Variants in ZNF407 observed in about 807,000 individuals in gnomAD.
The protein encoded by ZNF407 is zinc finger protein 407.
A neutral mutation model predicts 131.2 loss-of-function variants in ZNF407; 17 were observed. That is an observed-to-expected ratio of 0.13 (90% confidence interval 0.09 to 0.19). The LOEUF (loss-of-function observed/expected upper bound fraction) is 0.19, where lower values mean the gene tolerates loss of function less well. ZNF407 is among the 10% of genes least tolerant of loss of function. ZNF407 has a pLI of 1.00. For synonymous variants in ZNF407, 1,156 were observed against 1,062.0 expected, an observed-to-expected ratio of 1.09 and a Z score of -1.72; for missense variants, 2,681 against 2,830.6, an observed-to-expected ratio of 0.95 and a Z score of 1.20.
At chr18:74,964,724 A>G (rs1422155181) in intron 8 of ZNF407, among the ~76,000 whole-genome samples, 1 of 151,812 alleles carries the variant, frequency 6.6e-6, no homozygotes. Context: ...TTTGCATTCT[A>G]CAAACAAATG....
At chr18:74,762,974 A>C (rs550583312) in intron 3 of ZNF407, among the ~76,000 whole-genome samples, 1 of 152,138 alleles carries the variant, frequency 6.6e-6, no homozygotes, top group East Asian at 1.9e-4. Flanking sequence ...ATCTAAAGTG[A>C]TTGGATTTTA....
chr18:75,028,636 C>T (rs1453798093), intron 8 of ZNF407, among the ~76,000 whole-genome samples: 1 of 152,146 alleles, frequency 6.6e-6, no homozygotes, highest in Non-Finnish European at 1.5e-5. Context: ...AAACACTGAA[C>T]GTCAATGTGC....
At chr18:74,768,167 G>T (rs1841040567) in intron 3 of ZNF407, among the ~76,000 whole-genome samples, 1 of 152,092 alleles carries the variant, frequency 6.6e-6, no homozygotes, top group African/African-American at 2.4e-5. Context: ...CCTTGCACTA[G>T]TCTTGGAAGT....
At chr18:74,708,959 G>A (rs184295769) in intron 3 of ZNF407, among the ~76,000 whole-genome samples, 30 of 152,286 alleles carry the variant, frequency 2.0e-4, no homozygotes, top group South Asian at 6.2e-4. Context: ...GCTGATAATC[G>A]TCCCCTATGA....
chr18:74,897,809 C>G (rs1474199738), intron 7 of ZNF407, among the ~76,000 whole-genome samples: 1 of 152,178 alleles, frequency 6.6e-6, no homozygotes, highest in Admixed American at 6.5e-5. Context: ...ACAGAAGTCA[C>G]CTATGCATCC....
At chr18:74,782,799 T>G (rs1322551846) in intron 4 of ZNF407, among the ~76,000 whole-genome samples, 1 of 152,146 alleles carries the variant, frequency 6.6e-6, no homozygotes, top group Admixed American at 6.5e-5. Context: ...TTTTGTATTT[T>G]TAGTAGAGAC....
intron 4 of ZNF407, among the ~76,000 whole-genome samples, chr18:74,789,314 T>G (rs1382318241): frequency 2.6e-5 from 4 of 152,008 alleles, no homozygotes; most frequent in Non-Finnish European, 5.9e-5. Flanking sequence ...GTGGGAGAGC[T>G]TGGTGTGTTT....
intron 1 of ZNF407, among the ~76,000 whole-genome samples, chr18:74,612,049 A>G (rs983015657): frequency 3.3e-5 from 5 of 152,220 alleles, no homozygotes; most frequent in African/African-American, 4.8e-5. Flanking sequence ...AGTCCCGTAC[A>G]GTAGTGAGAT....
rs35820709 is a variant in ZNF407, at chr18:74,834,008, A to C, written c.4878-43189A>C. On this transcript the variant is annotated intron_variant, in intron 4 of 8. Transcript: ENST00000299687. Reference sequence around the variant, plus strand: ...TGAGTTTACATGGATCAGAACTTTTAATTTTCTGATTTTTCTGAAAATAGT... The same window carrying C: ...TGAGTTTACATGGATCAGAACTTTTCATTTTCTGATTTTTCTGAAAATAGT... 4.0e-3 allele frequency among the ~76,000 whole-genome samples: 611 copies of C among 152,280 alleles called. 4 individuals carry two copies. Among genetic ancestry groups the C allele is most frequent in the Middle Eastern group, 0.01 (3 of 294 alleles).
At chr18:74,877,061 T>C in intron 4 of ZNF407, 136 bp from the exon 5 acceptor site, 1 of 709,682 alleles carries the variant, frequency 1.4e-6, no homozygotes, top group Non-Finnish European at 2.5e-6. Flanking sequence ...TATACAGACA[T>C]GACAGACCAG....
chr18:74,632,265 C>A lies in ZNF407; in HGVS notation c.1246C>A (p.Pro416Thr), dbSNP rs746308871. 6.8e-6 allele frequency: 11 copies of A among 1,613,798 alleles called. No homozygotes were observed. The highest frequency in any genetic ancestry group is 9.3e-6 in the Non-Finnish European group (11 of 1,179,886). Residue 416 changes from proline to threonine, a missense_variant, in exon 2 of 9, where the codon CCT becomes ACT. Physicochemically the swap from Pro to Thr is conservative, Grantham distance 38. Transcript: ENST00000299687. The stretch of plus-strand genomic sequence containing the variant: ...TAACAGTGTAACCTCGAGGCCAAGA[C>A]CTGAGCGAAATATTCTCGTGTTGGG... ...HGNSVTSRPR[P>T]ERNILVLGNS...
At chr18:74,624,343 T>C (rs187507753) in intron 1 of ZNF407, among the ~76,000 whole-genome samples, 1 of 152,348 alleles carries the variant, frequency 6.6e-6, no homozygotes, top group Admixed American at 6.5e-5. Context: ...GGTAATATGC[T>C]ACTTGTTCTA....
intron 3 of ZNF407, among the ~76,000 whole-genome samples, chr18:74,717,695 A>G (rs1276736699): frequency 6.6e-6 from 1 of 152,248 alleles, no homozygotes; most frequent in Admixed American, 6.5e-5. Flanking sequence ...ACTTGCTTAT[A>G]TAAGTTGAAT....
At chr18:74,698,291 A>G (rs889186774) in intron 3 of ZNF407, among the ~76,000 whole-genome samples, 1 of 152,346 alleles carries the variant, frequency 6.6e-6, no homozygotes, top group East Asian at 1.9e-4. Flanking sequence ...GTGATTCAAT[A>G]AAGCAGAACT....
In ZNF407 at chr18:75,063,776, G is replaced by T; in HGVS notation, c.6055G>T (p.Val2019Leu). 1 of 1,610,554 alleles carries T rather than the reference G, an allele frequency of 6.2e-7. No homozygotes were observed. ...EEQGRPGAKD[V>L]LIQLPGQEVS... ...GCAAGGCAGGCCCGGCGCCAAAGAC[G>T]TGCTGATCCAGCTGCCCGGGCAGGA... Residue 2019 changes from valine to leucine, a missense_variant, in exon 9 of 9, where the codon GTG (valine) becomes TTG (leucine). Val to Leu is a conservative substitution (Grantham distance 32). Coordinates refer to ENST00000299687, the MANE Select transcript of ZNF407 (RefSeq NM_017757.3). The surrounding 1 kb of genome is among the most constrained non-coding windows in gnomAD (Gnocchi z 6.6).
At chr18:74,657,922 C>G (rs927634807) in intron 3 of ZNF407, among the ~76,000 whole-genome samples, 1 of 151,486 alleles carries the variant, frequency 6.6e-6, no homozygotes, top group East Asian at 1.9e-4. Context: ...TCTTCTTCTT[C>G]TTCTTCTTCT....
At chr18:74,803,577 G>C (rs1361747110) in intron 4 of ZNF407, among the ~76,000 whole-genome samples, 1 of 152,118 alleles carries the variant, frequency 6.6e-6, no homozygotes, top group Non-Finnish European at 1.5e-5. Context: ...ATTTTAAGTT[G>C]ATTTTCTGCA....
intron 8 of ZNF407, among the ~76,000 whole-genome samples, chr18:74,932,278 A>G (rs1224962354): frequency 6.6e-6 from 1 of 152,122 alleles, no homozygotes; most frequent in Non-Finnish European, 1.5e-5. Flanking sequence ...TTTCAGCAGT[A>G]TTTATTGAAA....
intron 8 of ZNF407, among the ~76,000 whole-genome samples, chr18:75,020,679 A>C (rs903877792): frequency 2.0e-5 from 3 of 152,218 alleles, no homozygotes; most frequent in Non-Finnish European, 4.4e-5. Context: ...GGAAAATCCC[A>C]TTCACAATTG....
Sources: gnomAD v4.1 joint callset for allele counts (sites outside exome capture counted in the v4.1 genomes callset) on GRCh38, gnomAD v4.1.1 for gene constraint, Gnocchi (gnomAD v3.1) non-coding constraint, MANE v1.5 for transcripts, NCBI Gene and HGNC (gene_info 2026-07-23, HGNC 2026-07-21) for gene names.